The following RTL4 variants were observed in gnomAD, a reference collection of about 807,000 sequenced individuals.
RTL4 encodes retrotransposon Gag like 4.
In RTL4, 4 loss-of-function variants were observed where a neutral mutation model predicts 5.3. That is an observed-to-expected ratio of 0.75 (90% CI 0.37 to 1.72). The LOEUF (loss-of-function observed/expected upper bound fraction) is 1.72, where lower values mean the gene tolerates loss of function less well. Among genes scored for constraint, RTL4 ranks in the 40% most tolerant of loss-of-function variants. The probability of loss-of-function intolerance (pLI) is 0.04; values close to 1 mark genes in which losing one functional copy is unlikely to be tolerated. For synonymous variants in RTL4, 98 were observed against 87.3 expected, an observed-to-expected ratio of 1.12 and a Z score of -0.68; for missense variants, 260 against 227.1, an observed-to-expected ratio of 1.14 and a Z score of -0.93.
chrX:112,100,547 T>C, the RTL4 span, among the ~76,000 whole-genome samples: 1 of 112,000 alleles, frequency 8.9e-6, no homozygotes, highest in Admixed American at 9.5e-5. Flanking sequence ...ATCATACCTG[T>C]ATTAGTTAAG....
At chrX:112,178,789 A>G in the RTL4 span, among the ~76,000 whole-genome samples, 6 of 111,377 alleles carry the variant, frequency 5.4e-5, no homozygotes, top group Admixed American at 5.8e-4. Context: ...AAGCAGAAAG[A>G]AATGAAAGAA....
chrX:112,150,515 C>A, the RTL4 span, among the ~76,000 whole-genome samples: 1 of 111,332 alleles, frequency 9.0e-6, no homozygotes, highest in East Asian at 2.8e-4. Flanking sequence ...TACCCCTTCC[C>A]TTTAAATCTG....
chrX:112,310,369 CATATATATATATAT>C, the RTL4 span, among the ~76,000 whole-genome samples: 146 of 4,361 alleles, frequency 0.033, 6 homozygotes, highest in Admixed American at 0.062. Context: ...CACCTTTATA[CATATATATATATAT>C]ATATATATAT....
At chrX:112,103,271 G>A in the RTL4 span, among the ~76,000 whole-genome samples, 1 of 111,739 alleles carries the variant, frequency 8.9e-6, no homozygotes, top group Non-Finnish European at 1.9e-5. Flanking sequence ...CCTTTGCAGG[G>A]ACATGGATTG....
the RTL4 span, among the ~76,000 whole-genome samples, chrX:112,420,123 C>T: frequency 2.7e-5 from 3 of 110,846 alleles, no homozygotes; most frequent in African/African-American, 9.8e-5. Context: ...TATCTTCTTC[C>T]CCAGAGATGT....
the RTL4 span, chrX:112,382,079 C>G: frequency 1.7e-6 from 2 of 1,210,267 alleles, no homozygotes; most frequent in Non-Finnish European, 2.2e-6. Flanking sequence ...GAAGCAGCAG[C>G]TGCAGCAGGA....
chrX:112,340,390 A>G, the RTL4 span, among the ~76,000 whole-genome samples: 7 of 110,788 alleles, frequency 6.3e-5, no homozygotes, highest in Non-Finnish European at 1.3e-4. Context: ...TGAAATTTTC[A>G]CTCTAGTGGA....
At chrX:112,233,394 C>T in the RTL4 span, among the ~76,000 whole-genome samples, 1 of 109,927 alleles carries the variant, frequency 9.1e-6, no homozygotes, top group African/African-American at 3.3e-5. Flanking sequence ...GGCCTTTGGA[C>T]TTTCAGAGTC....
exon 1 of RTL4, chrX:112,456,933 C>A (rs1241273823): frequency 8.2e-6 from 1 of 122,353 alleles, no homozygotes; most frequent in Non-Finnish European, 1.9e-5. Context: ...TGCTTCTGAA[C>A]AAAAGTAGTG....
chrX:112,194,847 T>C, the RTL4 span, among the ~76,000 whole-genome samples: 1 of 112,055 alleles, frequency 8.9e-6, no homozygotes, highest in Non-Finnish European at 1.9e-5. Flanking sequence ...CAGAATATAC[T>C]AAGTTTAGAA....
At chrX:112,412,564 A>G in the RTL4 span, among the ~76,000 whole-genome samples, 1 of 111,559 alleles carries the variant, frequency 9.0e-6, no homozygotes, top group Non-Finnish European at 1.9e-5. Context: ...ATGTACATTA[A>G]ACTCATTTTA....
chrX:112,087,692 C>A, the RTL4 span, among the ~76,000 whole-genome samples: 111 of 111,180 alleles, frequency 1.0e-3, 1 homozygote, highest in East Asian at 0.021. Flanking sequence ...GGTTTGAATT[C>A]CAGATTCATG....
At chrX:112,396,602 C>A in the RTL4 span, among the ~76,000 whole-genome samples, 1 of 110,569 alleles carries the variant, frequency 9.0e-6, no homozygotes, top group African/African-American at 3.3e-5. Flanking sequence ...ATATTATATC[C>A]CCCCCACCCA....
At chrX:112,340,195 A>G in the RTL4 span, among the ~76,000 whole-genome samples, 1 of 112,559 alleles carries the variant, frequency 8.9e-6, no homozygotes, top group African/African-American at 3.2e-5. Flanking sequence ...TAGTCTGAAG[A>G]GCCAAATAAT....
At chrX:112,117,538 A>G in the RTL4 span, among the ~76,000 whole-genome samples, 39 of 111,860 alleles carry the variant, frequency 3.5e-4, no homozygotes, top group African/African-American at 1.3e-3. Flanking sequence ...AAATGGGTAA[A>G]CAATCTTAAT....
the RTL4 span, among the ~76,000 whole-genome samples, chrX:112,100,790 T>C: frequency 9.0e-6 from 1 of 111,707 alleles, no homozygotes; most frequent in Non-Finnish European, 1.9e-5. Context: ...ACTTAAATCA[T>C]AGTAGCCAGA....
At chrX:112,338,758 G>C in the RTL4 span, among the ~76,000 whole-genome samples, 1 of 111,588 alleles carries the variant, frequency 9.0e-6, no homozygotes, top group Admixed American at 9.5e-5. Flanking sequence ...TTCTGAGAAT[G>C]AAAATTGTCA....
the RTL4 span, among the ~76,000 whole-genome samples, chrX:112,387,330 C>A: frequency 3.7e-5 from 4 of 106,969 alleles, no homozygotes; most frequent in Admixed American, 2.1e-4. Context: ...TGTGCAGAAG[C>A]TCTTTAATTA....
the RTL4 span, among the ~76,000 whole-genome samples, chrX:112,311,489 G>T: frequency 9.0e-6 from 1 of 110,520 alleles, no homozygotes. Context: ...CAGTAACCTC[G>T]TTTAAATTTT....
Sources: gnomAD v4.1 joint callset for allele counts (sites outside exome capture counted in the v4.1 genomes callset) on GRCh38, gnomAD v4.1.1 for gene constraint, MANE v1.5 for transcripts, NCBI Gene and HGNC (gene_info 2026-07-23, HGNC 2026-07-21) for gene names.